The following ADAMTS12 variants were observed in gnomAD, a reference collection of about 807,000 sequenced individuals.
The protein encoded by ADAMTS12 is A disintegrin and metalloproteinase with thrombospondin motifs 12.
Under a neutral mutation model 167.8 loss-of-function variants are expected in ADAMTS12, and 118 were observed. The ratio of observed to expected loss-of-function variants is 0.70; its 90% CI spans 0.61 to 0.82. The LOEUF (loss-of-function observed/expected upper bound fraction) is 0.82. Among genes scored for constraint, ADAMTS12 ranks in the 40% least tolerant of loss-of-function variants. ADAMTS12 has a pLI of 0.00. For missense variants in ADAMTS12, 1,916 were observed against 1,998.8 expected (o/e 0.96, Z 0.79); for synonymous variants, 704 against 716.9 (o/e 0.98, Z 0.29).
At chr5:33,742,291 C>T (rs6859540) in intron 3 of ADAMTS12, among the ~76,000 whole-genome samples, 9,680 of 145,398 alleles carry the variant, frequency 0.067, 1,062 homozygotes, top group African/African-American at 0.23. Flanking sequence ...TTTCCTCAAA[C>T]ATCTGATGTC....
chr5:33,833,509 T>A (rs1748387751), intron 2 of ADAMTS12, among the ~76,000 whole-genome samples: 1 of 152,174 alleles, frequency 6.6e-6, no homozygotes, highest in African/African-American at 2.4e-5. Context: ...AGTCTTTACA[T>A]CTCTTCAAAA....
chr5:33,713,809 C>T (rs1743496063), intron 3 of ADAMTS12, among the ~76,000 whole-genome samples: 1 of 152,134 alleles, frequency 6.6e-6, no homozygotes, highest in African/African-American at 2.4e-5. Context: ...TCAAGTCAGA[C>T]TGATTATATG....
intron 19 of ADAMTS12, among the ~76,000 whole-genome samples, chr5:33,570,565 C>G (rs1746273750): frequency 6.6e-6 from 1 of 152,018 alleles, no homozygotes; most frequent in African/African-American, 2.4e-5. Flanking sequence ...TTGTCACCAC[C>G]AGGCCTGCCC....
At chr5:33,770,967 A>G (rs1461840585) in intron 2 of ADAMTS12, among the ~76,000 whole-genome samples, 2 of 152,002 alleles carry the variant, frequency 1.3e-5, no homozygotes, top group African/African-American at 4.8e-5. Flanking sequence ...TTGGGATTTG[A>G]GATGTGAGCC....
In ADAMTS12 at chr5:33,546,120, G is replaced by C; in HGVS notation, c.4385C>G (p.Thr1462Arg). 6.2e-7 allele frequency: 1 copy of C among 1,614,034 alleles called. No homozygotes were observed. The highest frequency in any genetic ancestry group is 1.1e-5 in the South Asian group (1 of 91,076). Reference sequence around the variant, plus strand: ...GTGCTCATTGCAAGACATGGTGGATGTGGGTCTTTTTGTCCAATCACAGAG... The same window carrying C: ...GTGCTCATTGCAAGACATGGTGGATCTGGGTCTTTTTGTCCAATCACAGAG... ...GGLCDWTKRP[T>R]STMSCNEHLC... Residue 1462 changes from threonine (T) to arginine (R), a missense_variant, in exon 22 of 24, where the codon ACA becomes AGA. Coordinates refer to ENST00000504830, the MANE Select transcript of ADAMTS12 (RefSeq NM_030955.4).
intron 2 of ADAMTS12, among the ~76,000 whole-genome samples, chr5:33,828,257 G>T (rs1312533201): frequency 6.6e-6 from 1 of 152,120 alleles, no homozygotes; most frequent in Non-Finnish European, 1.5e-5. Flanking sequence ...CTTTTAATTT[G>T]TATTTTTCTG....
chr5:33,668,945 T>A (rs13163819), intron 5 of ADAMTS12, among the ~76,000 whole-genome samples: 145,210 of 152,288 alleles, frequency 0.95, 69,616 homozygotes, highest in Non-Finnish European at 1. Context: ...TTTCTTTGTT[T>A]TTTTGGGAGA....
chr5:33,615,044 T>C (rs1412724269), intron 15 of ADAMTS12, among the ~76,000 whole-genome samples: 2 of 152,224 alleles, frequency 1.3e-5, no homozygotes, highest in Non-Finnish European at 2.9e-5. Context: ...TTCCCCTTAC[T>C]TCCCTCTCAT....
chr5:33,881,019 C>A lies in ADAMTS12; in HGVS notation c.489+100G>T, dbSNP rs566439714. On this transcript the variant is annotated intron_variant, in intron 2 of 23. Coordinates refer to ENST00000504830, the MANE Select transcript of ADAMTS12 (RefSeq NM_030955.4). The stretch of plus-strand genomic sequence containing the variant: ...ATCATCACATCACAGGGGTTCAACT[C>A]CCATATGTCAGTGCATCTGTGAACC... 5 of 1,512,012 alleles carry A rather than the reference C, an allele frequency of 3.3e-6. No homozygotes were observed. The East Asian group carries it at 9.0e-5, about 27-fold the overall frequency. The allele number at this position is 1,512,012 out of a possible 1,614,324, so 93.7% of individuals were successfully genotyped here.
In ADAMTS12 at chr5:33,823,185, C is replaced by T. The variant is rs1014809750; in HGVS notation, c.489+57934G>A. Among the ~76,000 whole-genome samples the T allele has an allele frequency of 3.9e-5, 6 of 152,014 alleles. No individual in the cohort carries two copies. The South Asian group carries it at 1.0e-3, about 26-fold the overall frequency. On this transcript the variant is annotated intron_variant, in intron 2 of 23. Coordinates refer to ENST00000504830, the MANE Select transcript of ADAMTS12 (RefSeq NM_030955.4). ...CATAATATTGACTGCATTATCTATT[C>T]TGATACTTAATTATACACAACTGAG... is the stretch of plus-strand genomic sequence containing the variant.
chr5:33,873,166 TAAA>T (rs77165421), intron 2 of ADAMTS12, among the ~76,000 whole-genome samples: 3 of 120,826 alleles, frequency 2.5e-5, no homozygotes, highest in Admixed American at 8.4e-5. Context: ...TATGTAGATT[TAAA>T]AAAAAAAAAA....
At chr5:33,833,943 A>C (rs1327107805) in intron 2 of ADAMTS12, among the ~76,000 whole-genome samples, 2 of 152,250 alleles carry the variant, frequency 1.3e-5, no homozygotes, top group Non-Finnish European at 2.9e-5. Flanking sequence ...AGAGTGGCTT[A>C]ATCAACAAAA....
intron 2 of ADAMTS12, among the ~76,000 whole-genome samples, chr5:33,785,475 G>T (rs1746294328): frequency 6.6e-6 from 1 of 152,124 alleles, no homozygotes; most frequent in East Asian, 1.9e-4. Flanking sequence ...GTGTGTGTTT[G>T]TGTGTGTGCA....
chr5:33,821,296 T>TAAA (rs1404210544), intron 2 of ADAMTS12, among the ~76,000 whole-genome samples: 4 of 152,212 alleles, frequency 2.6e-5, no homozygotes, highest in African/African-American at 9.6e-5. Context: ...AATTCCTTTA[T>TAAA]TTACTTTCAA....
chr5:33,877,797 A>C (rs2111761744), intron 2 of ADAMTS12, among the ~76,000 whole-genome samples: 1 of 152,288 alleles, frequency 6.6e-6, no homozygotes, highest in East Asian at 1.9e-4. Flanking sequence ...TAGGGTCCTC[A>C]GTTTGAAATC....
At chr5:33,560,809 T>A (rs529659550) in intron 20 of ADAMTS12, among the ~76,000 whole-genome samples, 1 of 146,116 alleles carries the variant, frequency 6.8e-6, no homozygotes, top group Non-Finnish European at 1.5e-5. Context: ...TTAGGAGATA[T>A]ACCTAATGTA....
At chr5:33,861,440 C>A (rs896938953) in intron 2 of ADAMTS12, among the ~76,000 whole-genome samples, 26 of 152,290 alleles carry the variant, frequency 1.7e-4, no homozygotes, top group African/African-American at 6.3e-4. Context: ...AAGGGCATTA[C>A]ATAATGGTAA....
At chr5:33,568,412 C>A (rs1746123366) in intron 19 of ADAMTS12, among the ~76,000 whole-genome samples, 1 of 152,216 alleles carries the variant, frequency 6.6e-6, no homozygotes, top group African/African-American at 2.4e-5. Flanking sequence ...ATTCCATGAC[C>A]AATGATGTTG....
At chr5:33,593,685 TG>T (rs762718255) in intron 17 of ADAMTS12, among the ~76,000 whole-genome samples, 110 of 148,734 alleles carry the variant, frequency 7.4e-4, no homozygotes, top group Middle Eastern at 3.4e-3. Context: ...TGTAGGGAGT[TG>T]GGGGGCTAGG....
Sources: allele counts gnomAD v4.1 joint callset (sites outside exome capture counted in the v4.1 genomes callset), GRCh38; gene constraint gnomAD v4.1.1; transcripts MANE v1.5; gene names NCBI Gene and HGNC (gene_info 2026-07-23, HGNC 2026-07-21).